PARP8: variants seen among roughly 807,000 people sequenced by gnomAD.
PARP8 encodes the protein poly(ADP-ribose) polymerase family member 8.
A neutral mutation model predicts 124.1 loss-of-function variants in PARP8; 51 were observed. That is an observed-to-expected ratio of 0.41 (90% CI 0.33 to 0.52). PARP8 has a LOEUF of 0.52. Among genes scored for constraint, PARP8 ranks in the 20% least tolerant of loss-of-function variants. The probability of loss-of-function intolerance (pLI) is 0.21; values close to 1 mark genes in which losing one functional copy is unlikely to be tolerated. For synonymous variants in PARP8, 391 were observed against 361.5 expected (o/e 1.08, Z -0.93); for missense variants, 860 against 1,018.9 (o/e 0.84, Z 2.12).
intron 18 of PARP8, 62 bp from the exon 19 acceptor site, chr5:50,826,691 TAA>T: frequency 1.2e-5 from 18 of 1,515,354 alleles, no homozygotes; most frequent in Non-Finnish European, 1.6e-5. Flanking sequence ...GGTTGCCAAC[TAA>T]GAAAAAGAAC....
intron 7 of PARP8, among the ~76,000 whole-genome samples, chr5:50,774,155 G>A (rs1403829826): frequency 1.3e-5 from 2 of 152,156 alleles, no homozygotes; most frequent in Non-Finnish European, 2.9e-5. Flanking sequence ...GGGGTTGGGG[G>A]TAAGGTTATA....
At chr5:50,753,464 A>AAAAT (rs1759483511) in intron 3 of PARP8, among the ~76,000 whole-genome samples, 1 of 152,104 alleles carries the variant, frequency 6.6e-6, no homozygotes, top group Non-Finnish European at 1.5e-5. Context: ...TTTTATACCT[A>AAAAT]ATAAACATTT....
intron 2 of PARP8, among the ~76,000 whole-genome samples, chr5:50,717,648 G>A (rs1358136642): frequency 6.6e-6 from 1 of 151,906 alleles, no homozygotes; most frequent in African/African-American, 2.4e-5. Context: ...TAGAGGCTAA[G>A]CAAGAAGATG....
At chr5:50,834,841 GAT>G in intron 24 of PARP8, 88 bp from the exon 25 acceptor site, 1 of 1,118,764 alleles carries the variant, frequency 8.9e-7, no homozygotes, top group Non-Finnish European at 1.3e-6. Context: ...TTTTGCTTTA[GAT>G]TTCAACGAGA....
chr5:50,841,460 G>A lies in PARP8; in HGVS notation c.2463-506G>A, dbSNP rs142318822. 1.1e-3 allele frequency among the ~76,000 whole-genome samples: 168 copies of A among 151,838 alleles called. 2 individuals carry two copies. Among genetic ancestry groups the A allele is most frequent in the African/African-American group, 3.6e-3 (151 of 41,474 alleles). ...ATGTTACAGTCAGACTAAATAGTGC[G>A]ACCAGTGATAAGAAAAAAGGGCAGC... On this transcript the variant is annotated intron_variant, in intron 25 of 25. Coordinates refer to ENST00000281631, the MANE Select transcript of PARP8 (RefSeq NM_024615.4).
Position 50,759,745 on chromosome 5 carries a change from T to G in PARP8, c.274+13T>G, listed in dbSNP as rs376431987. On this transcript the variant is annotated intron_variant, in intron 4 of 25. Coordinates refer to ENST00000281631, the MANE Select transcript of PARP8 (RefSeq NM_024615.4). ...AGAATAGCAACAGGTAATAGTAGTA[T>G]TATTTTTTATACTAGGTTAATTTTT... 2.4e-4 allele frequency: 371 copies of G among 1,547,344 alleles called. 1 individual carries two copies. Among genetic ancestry groups the G allele is most frequent in the South Asian group, 1.4e-3 (112 of 77,902 alleles).
intron 9 of PARP8, among the ~76,000 whole-genome samples, chr5:50,780,838 A>G (rs1288301173): frequency 6.6e-6 from 1 of 152,156 alleles, no homozygotes; most frequent in Non-Finnish European, 1.5e-5. Context: ...TGCTTTAGAA[A>G]CTTCTCATTT....
At chr5:50,756,915 G>T (rs1317377801) in intron 3 of PARP8, among the ~76,000 whole-genome samples, 1 of 152,114 alleles carries the variant, frequency 6.6e-6, no homozygotes, top group Admixed American at 6.6e-5. Context: ...GTGAAATCAT[G>T]CAGTATTTAT....
At chr5:50,762,757 T>C (rs1378624627) in intron 6 of PARP8, among the ~76,000 whole-genome samples, 2 of 152,230 alleles carry the variant, frequency 1.3e-5, no homozygotes, top group East Asian at 1.9e-4. Context: ...CCCAACGAAA[T>C]GATTCCTTTA....
At chr5:50,791,700 T>C (rs1211513587) in intron 10 of PARP8, among the ~76,000 whole-genome samples, 2 of 121,770 alleles carry the variant, frequency 1.6e-5, no homozygotes, top group Admixed American at 8.9e-5. Flanking sequence ...TTTGTATGAC[T>C]TTATGTTGAG....
intron 4 of PARP8, among the ~76,000 whole-genome samples, 179 bp from the exon 5 acceptor site, chr5:50,760,113 A>G (rs1760394932): frequency 6.6e-6 from 1 of 152,170 alleles, no homozygotes; most frequent in Non-Finnish European, 1.5e-5. Flanking sequence ...ACAGTGAAAA[A>G]TCAGAATAGC....
intron 2 of PARP8, among the ~76,000 whole-genome samples, chr5:50,694,323 A>G (rs1291316082): frequency 6.6e-6 from 1 of 152,222 alleles, no homozygotes; most frequent in Non-Finnish European, 1.5e-5. Flanking sequence ...TCAGTTCCAT[A>G]GTCACAAAGT....
intron 5 of PARP8, 59 bp from the exon 6 acceptor site, chr5:50,761,762 A>G: frequency 1.7e-6 from 2 of 1,158,012 alleles, no homozygotes; most frequent in Non-Finnish European, 2.5e-6. Flanking sequence ...GTCACTTGCT[A>G]TTTTAGAAAG....
intron 2 of PARP8, among the ~76,000 whole-genome samples, chr5:50,712,679 A>G (rs1420578561): frequency 2.0e-5 from 3 of 152,102 alleles, no homozygotes; most frequent in African/African-American, 4.8e-5. Context: ...GAGATAAAGC[A>G]GCAAACATTA....
intron 17 of PARP8, among the ~76,000 whole-genome samples, chr5:50,822,796 T>C (rs994477154): frequency 2.0e-5 from 3 of 152,156 alleles, no homozygotes; most frequent in African/African-American, 7.2e-5. Context: ...TCCATAAATA[T>C]TTTATATAAT....
At chr5:50,767,450 A>C (rs1248374416) in intron 7 of PARP8, among the ~76,000 whole-genome samples, 1 of 152,178 alleles carries the variant, frequency 6.6e-6, no homozygotes, top group Non-Finnish European at 1.5e-5. Flanking sequence ...GCATTTTCCC[A>C]AACCACGGGG....
chr5:50,839,841 A>C (rs1747983467), intron 25 of PARP8, among the ~76,000 whole-genome samples: 1 of 151,922 alleles, frequency 6.6e-6, no homozygotes, highest in Admixed American at 6.6e-5. Context: ...GTCAGGGTAC[A>C]TATAATATTT....
intron 2 of PARP8, among the ~76,000 whole-genome samples, chr5:50,733,230 G>C (rs1297998876): frequency 6.6e-6 from 1 of 151,714 alleles, no homozygotes; most frequent in Non-Finnish European, 1.5e-5. Context: ...GGAGGTGGTA[G>C]TTGCAGTGAG....
At chr5:50,694,989 G>A (rs1290399167) in intron 2 of PARP8, among the ~76,000 whole-genome samples, 1 of 152,182 alleles carries the variant, frequency 6.6e-6, no homozygotes, top group Non-Finnish European at 1.5e-5. Flanking sequence ...GATTCAGCAA[G>A]TCGGCTTTGT....
Sources: allele counts gnomAD v4.1 joint callset (sites outside exome capture counted in the v4.1 genomes callset), GRCh38; gene constraint gnomAD v4.1.1; transcripts MANE v1.5; gene names NCBI Gene and HGNC (gene_info 2026-07-23, HGNC 2026-07-21).